The following DDX25 variants were observed in gnomAD, a reference collection of about 807,000 sequenced individuals.
The protein encoded by DDX25 is ATP-dependent RNA helicase DDX25.
Under a neutral mutation model 64.6 loss-of-function variants are expected in DDX25, and 70 were observed. The observed-to-expected ratio is 1.08, with a 90% CI of 0.89 to 1.32. The LOEUF is 1.32. Among genes scored for constraint, DDX25 ranks in the 40% most tolerant of loss-of-function variants. The probability of loss-of-function intolerance (pLI) is 0.00; values close to 1 mark genes in which losing one functional copy is unlikely to be tolerated. For missense variants in DDX25, 587 were observed against 604.4 expected (o/e 0.97, Z 0.30); for synonymous variants, 211 against 213.3 (o/e 0.99, Z 0.09).
chr11:125,904,547 AG>A lies in DDX25; in HGVS notation c.34del (p.Ala12ArgfsTer7). 1 of 1,498,640 alleles carries A rather than the reference AG, an allele frequency of 6.7e-7. No individual in the cohort carries two copies. The allele number at this position is 1,498,640 out of a possible 1,614,324, so 92.8% of individuals were successfully genotyped here. A position where few individuals can be genotyped will look rare whatever the true frequency, so the allele number is the denominator to read the frequency against. On this transcript the variant is annotated frameshift_variant, in exon 1 of 12. Transcript: ENST00000263576. LOFTEE classifies it high-confidence loss of function. Reference sequence around the variant, plus strand: ...CGTCGTTACTGTGGGGAGGCGACGCAGGGGCGGCGGAGAGCGAGCGGCTGAA... The same window carrying A: ...CGTCGTTACTGTGGGGAGGCGACGCAGGGCGGCGGAGAGCGAGCGGCTGAA... MASLLWGGDA[G>X]AAESERLNSH...
Position 125,911,502 on chromosome 11 carries a change from T to A in DDX25, c.800+14T>A, listed in dbSNP as rs1032014340. The A allele has an allele frequency of 1.2e-6, 2 of 1,607,958 alleles. No homozygotes were observed. On this transcript the variant is annotated intron_variant, in intron 8 of 11. Coordinates refer to ENST00000263576, the MANE Select transcript of DDX25 (RefSeq NM_013264.5). The stretch of plus-strand genomic sequence containing the variant: ...TCGTATTCAAAGGTAATCTTCAGAG[T>A]CTTCCTCTCTTCCTCAGCCTTCTGT...
chr11:125,909,618 G>C (rs1944939171), intron 6 of DDX25, among the ~76,000 whole-genome samples: 1 of 151,094 alleles, frequency 6.6e-6, no homozygotes, highest in African/African-American at 2.4e-5. Context: ...AAACAGATTG[G>C]ATCAAGCAAG....
rs371781755 is a variant in DDX25 at position 125,906,139 on chromosome 11, C to T, written c.241C>T (p.Arg81Cys). ...IHQSLVESSH[R>C]VEVLQKDPSS... Reference sequence around the variant, plus strand: ...TCAATCCTTAGTAGAATCCAGTCACCGTGTGGAAGTTTTACAGAAGGATCC... The same window carrying T: ...TCAATCCTTAGTAGAATCCAGTCACTGTGTGGAAGTTTTACAGAAGGATCC... The change falls in exon 4 of 12, where the codon CGT (arginine) becomes TGT (cysteine). Residue 81 changes from arginine (R) to cysteine (C), a missense_variant. Arg to Cys is a radical substitution (Grantham distance 180). Transcript: ENST00000263576. The T allele has an allele frequency of 7.9e-5, 123 of 1,551,062 alleles. No individual in the cohort carries two copies. Among genetic ancestry groups the T allele is most frequent in the Non-Finnish European group, 9.7e-5 (111 of 1,146,840 alleles).
intron 9 of DDX25, among the ~76,000 whole-genome samples, chr11:125,917,663 CTT>C (rs1475091017): frequency 6.6e-6 from 1 of 152,172 alleles, no homozygotes; most frequent in Non-Finnish European, 1.5e-5. Flanking sequence ...CCCGTAAACA[CTT>C]TAAGCTTCAC....
At chr11:125,909,158 A>G (rs1414674196) in intron 6 of DDX25, among the ~76,000 whole-genome samples, 1 of 152,038 alleles carries the variant, frequency 6.6e-6, no homozygotes, top group African/African-American at 2.4e-5. Context: ...GTCTCTCCCT[A>G]TTTGCTTGAC....
intron 3 of DDX25, 63 bp from the exon 4 acceptor site, chr11:125,906,011 G>C: frequency 1.3e-6 from 2 of 1,488,672 alleles, no homozygotes; most frequent in Non-Finnish European, 8.9e-7. Context: ...GAAAGAGAAA[G>C]AGCAACTTAT....
At chr11:125,904,283 T>TCCGCCCCGCTCTCTGCCCC (rs1295879789), upstream of DDX25, 24 of 50,990 alleles carry the variant, frequency 4.7e-4, no homozygotes, top group Non-Finnish European at 2.1e-4. Flanking sequence ...CTCTCTGCCC[T>TCCGCCCCGCTCTCTGCCCC]CCGCCCCGCT....
rs528967030 is a variant in DDX25 at position 125,909,967 on chromosome 11, C to T, written c.508-397C>T. 8.5e-4 allele frequency among the ~76,000 whole-genome samples: 129 copies of T among 152,232 alleles called. 1 individual carries two copies. Among genetic ancestry groups the T allele is most frequent in the African/African-American group, 3.0e-3 (125 of 41,550 alleles). Reference sequence around the variant, plus strand: ...GTGCCCAACCTCAAAAATAGACAGACTTTTAATAGCAAATGAGAGGCTATG... The same window carrying T: ...GTGCCCAACCTCAAAAATAGACAGATTTTTAATAGCAAATGAGAGGCTATG... On this transcript the variant is annotated intron_variant, in intron 6 of 11. Transcript: ENST00000263576.
Position 125,922,852 on chromosome 11 carries a change from A to G in DDX25, c.1423A>G (p.Met475Val). The change falls in exon 12 of 12, where the codon ATG becomes GTG. Residue 475 changes from methionine to valine, a missense_variant. Coordinates refer to ENST00000263576, the MANE Select transcript of DDX25 (RefSeq NM_013264.5). ...TATTAAGCAACTCAACGCTGAAGACATGGATGAAATTGAAAAGATTGACTA... is the reference window on the plus strand; with the variant it reads ...TATTAAGCAACTCAACGCTGAAGACGTGGATGAAATTGAAAAGATTGACTA... ...SSIKQLNAED[M>V]DEIEKIDY The G allele has an allele frequency of 1.2e-6, 2 of 1,609,894 alleles. No individual in the cohort carries two copies. Among genetic ancestry groups the G allele is most frequent in the Non-Finnish European group, 1.7e-6 (2 of 1,177,756 alleles).
chr11:125,910,145 T>C (rs1237473214), intron 6 of DDX25, among the ~76,000 whole-genome samples: 2 of 151,988 alleles, frequency 1.3e-5, no homozygotes, highest in Non-Finnish European at 2.9e-5. Flanking sequence ...ATGTAAAAGG[T>C]AGCTGTTTCT....
At chr11:125,905,714 T>C (rs1944874545) in intron 3 of DDX25, 117 bp downstream of exon 3, 4 of 1,057,808 alleles carry the variant, frequency 3.8e-6, no homozygotes, top group East Asian at 2.6e-5. Context: ...GCTTCTGTTT[T>C]CTTATAGTGA....
chr11:125,911,019 G>T (rs1245825972), intron 7 of DDX25, among the ~76,000 whole-genome samples: 1 of 149,172 alleles, frequency 6.7e-6, no homozygotes, highest in Non-Finnish European at 1.5e-5. Flanking sequence ...CATACTGTTT[G>T]TTCCTTTGAC....
upstream of DDX25, among the ~76,000 whole-genome samples, chr11:125,904,136 G>A (rs1246206501): frequency 6.6e-6 from 1 of 152,200 alleles, no homozygotes; most frequent in Non-Finnish European, 1.5e-5. Flanking sequence ...GACACGGGGC[G>A]TAAAGCGCGG....
intron 2 of DDX25, 57 bp from the exon 3 acceptor site, chr11:125,905,496 T>C: frequency 6.6e-7 from 1 of 1,513,376 alleles, no homozygotes; most frequent in Non-Finnish European, 9.0e-7. Context: ...TAGCATGCTT[T>C]ACATTTGTGC....
Sources: gnomAD v4.1 joint callset for allele counts (sites outside exome capture counted in the v4.1 genomes callset) on GRCh38, gnomAD v4.1.1 for gene constraint, MANE v1.5 for transcripts, NCBI Gene and HGNC (gene_info 2026-07-23, HGNC 2026-07-21) for gene names.